The following METTL13 variants were observed in gnomAD, a reference collection of about 807,000 sequenced individuals.
METTL13 encodes the protein methyltransferase 13, eEF1A N-terminus and K55.
A neutral mutation model predicts 67.4 loss-of-function variants in METTL13; 52 were observed. The observed-to-expected ratio is 0.77, with a 90% confidence interval of 0.62 to 0.97. The LOEUF (loss-of-function observed/expected upper bound fraction) is 0.97. Ranked by LOEUF, METTL13 falls within the 50% of genes least tolerant of loss-of-function variation. The pLI is 0.00. For synonymous variants in METTL13, 354 were observed against 353.6 expected (o/e 1.00, Z -0.01); for missense variants, 825 against 889.6 (o/e 0.93, Z 0.92).
chr1:171,782,148 G>A, intron 1 of METTL13, 28 bp downstream of exon 1: 1 of 1,596,778 alleles, frequency 6.3e-7, no homozygotes, highest in Non-Finnish European at 8.6e-7. Context: ...GTAGCCCTTC[G>A]TACGTGCTCC....
chr1:171,787,930 G>A lies in METTL13; in HGVS notation c.1309G>A (p.Ala437Thr). The change falls in exon 4 of 8, where the codon GCC (alanine) becomes ACC (threonine). Residue 437 changes from alanine (A) to threonine (T), a missense_variant and splice_region_variant. Ala to Thr is a moderately conservative substitution (Grantham distance 58). Coordinates refer to ENST00000361735, the MANE Select transcript of METTL13 (RefSeq NM_015935.5). ...GTTGCTGAAGGATGTGTCTCACAAAGGTGAGGTGTCATAGGCACAGTGGTG... is the reference window on the plus strand; with the variant it reads ...GTTGCTGAAGGATGTGTCTCACAAAAGTGAGGTGTCATAGGCACAGTGGTG... ...ARLLKDVSHK[A>T]QKKRKKDRKK... 2 of 1,613,144 alleles carry A rather than the reference G, an allele frequency of 1.2e-6. No homozygotes were observed. Among genetic ancestry groups the A allele is most frequent in the Non-Finnish European group, 1.7e-6 (2 of 1,179,870 alleles).
Position 171,784,331 on chromosome 1 carries a change from C to A in METTL13, c.745C>A (p.Arg249=). The A allele has an allele frequency of 6.3e-7, 1 of 1,593,762 alleles. No homozygotes were observed. The highest frequency in any genetic ancestry group is 8.6e-7 in the Non-Finnish European group (1 of 1,168,980). ...AERLAEAVQE[R]QQYAWLCSQL... ...GCGGCTGGCCGAGGCGGTGCAGGAGCGACAGCAGTATGCCTGGCTGTGCAG... is the reference window on the plus strand; with the variant it reads ...GCGGCTGGCCGAGGCGGTGCAGGAGAGACAGCAGTATGCCTGGCTGTGCAG... The change falls in exon 2 of 8, where the codon CGA becomes AGA. Residue 249 remains arginine (R), a synonymous_variant. Coordinates refer to ENST00000361735, the MANE Select transcript of METTL13 (RefSeq NM_015935.5).
At chr1:171,782,895 G>A (rs1656874108) in intron 1 of METTL13, among the ~76,000 whole-genome samples, 1 of 152,206 alleles carries the variant, frequency 6.6e-6, no homozygotes, top group African/African-American at 2.4e-5. Context: ...TGGAGGTAGG[G>A]AAGGAGGAAG....
Position 171,784,036 on chromosome 1 carries a change from G to A in METTL13, c.450G>A (p.Leu150=), listed in dbSNP as rs759060773. Residue 150 remains leucine, a synonymous_variant, in exon 2 of 8, where the codon CTG becomes CTA. Coordinates refer to ENST00000361735, the MANE Select transcript of METTL13 (RefSeq NM_015935.5). ...TGCTGGCTGAGGTTGGCCGTGTCCT[G>A]CAGGTGGGCGGTCGCTATCTCTGCA... ...DRMLAEVGRV[L]QVGGRYLCIS... is the part of the protein sequence containing the mutation. The A allele has an allele frequency of 1.9e-6, 3 of 1,614,238 alleles. No individual in the cohort carries two copies. The highest frequency in any genetic ancestry group is 2.5e-6 in the Non-Finnish European group (3 of 1,180,044).
chr1:171,795,220 T>C (rs1571172704), intron 7 of METTL13, among the ~76,000 whole-genome samples: 1 of 152,246 alleles, frequency 6.6e-6, no homozygotes, highest in Non-Finnish European at 1.5e-5. Context: ...TTTTTATTGC[T>C]GTGTTATATC....
chr1:171,788,019 C>A, intron 4 of METTL13, 89 bp downstream of exon 4: 1 of 1,302,526 alleles, frequency 7.7e-7, no homozygotes, highest in Non-Finnish European at 1.1e-6. Context: ...TAGGATGGAC[C>A]TGGGTGTCTG....
chr1:171,789,025 G>T (rs1051715672), intron 4 of METTL13, among the ~76,000 whole-genome samples: 1 of 152,184 alleles, frequency 6.6e-6, no homozygotes, highest in Non-Finnish European at 1.5e-5. Flanking sequence ...CACTGTGGCT[G>T]CAGGTTGGTC....
chr1:171,791,645 C>T (rs1164272613), intron 5 of METTL13, among the ~76,000 whole-genome samples: 4 of 152,060 alleles, frequency 2.6e-5, no homozygotes, highest in Non-Finnish European at 5.9e-5. Flanking sequence ...TTTCTACTTT[C>T]TATAGACAGG....
rs777502264 is a variant in METTL13 at position 171,792,066 on chromosome 1, CCT to C, written c.1527_1528del (p.Phe510CysfsTer11). On this transcript the variant is annotated frameshift_variant, in exon 6 of 8. Transcript: ENST00000361735. LOFTEE classifies it high-confidence loss of function. ...TAGGCCTGGGCGGGGGCAGCCTCCC[CCT>C]CTTTGTCCACGATCATTTTCCAAAG... ...VVGLGGGSLP[L>X]FVHDHFPKSC... 14 of 1,613,380 alleles carry C rather than the reference CCT, an allele frequency of 8.7e-6. No individual in the cohort carries two copies. Among genetic ancestry groups the C allele is most frequent in the African/African-American group, 1.3e-5 (1 of 75,038 alleles).
chr1:171,792,122 C>T lies in METTL13; in HGVS notation c.1580C>T (p.Pro527Leu), dbSNP rs773634739. Residue 527 changes from proline (P) to leucine (L), a missense_variant, in exon 6 of 8, where the codon CCC becomes CTC. By Grantham distance (98) the Pro-to-Leu change is moderately conservative. Transcript: ENST00000361735. ...TGCATTGATGCTGTGGAGATCGATCCCTCCATGTTGGAAGTGGCCACCCAG... is the reference window on the plus strand; with the variant it reads ...TGCATTGATGCTGTGGAGATCGATCTCTCCATGTTGGAAGTGGCCACCCAG... ...KSCIDAVEID[P>L]SMLEVATQWF... 5 of 1,614,046 alleles carry T rather than the reference C, an allele frequency of 3.1e-6. No individual in the cohort carries two copies. Among genetic ancestry groups the T allele is most frequent in the Non-Finnish European group, 4.2e-6 (5 of 1,180,016 alleles).
chr1:171,790,683 C>A, intron 5 of METTL13, 67 bp downstream of exon 5: 1 of 1,361,114 alleles, frequency 7.3e-7, no homozygotes. Flanking sequence ...CAATTGGTGT[C>A]ACTTGCATTG....
In METTL13 at chr1:171,796,672, G is replaced by A; in HGVS notation, c.2016G>A (p.Leu672=). ...TPELLETAQA[L]ERTLRKPGRG... Reference sequence around the variant, plus strand: ...AGCTCCTAGAAACAGCCCAGGCTTTGGAGCGGACCCTGAGGAAGCCTGGGA... The same window carrying A: ...AGCTCCTAGAAACAGCCCAGGCTTTAGAGCGGACCCTGAGGAAGCCTGGGA... Residue 672 remains leucine, a synonymous_variant, in exon 8 of 8, where the codon TTG becomes TTA. Transcript: ENST00000361735. 6.2e-7 allele frequency: 1 copy of A among 1,614,190 alleles called. No homozygotes were observed. The highest frequency in any genetic ancestry group is 1.1e-5 in the South Asian group (1 of 91,086).
intron 5 of METTL13, 114 bp from the exon 6 acceptor site, chr1:171,791,903 T>C: frequency 9.7e-7 from 1 of 1,025,654 alleles, no homozygotes; most frequent in Non-Finnish European, 1.5e-6. Flanking sequence ...CCTCTAAATC[T>C]TGTATCCCCT....
chr1:171,790,309 A>G (rs1040565162), intron 4 of METTL13, 143 bp from the exon 5 acceptor site: 11 of 723,166 alleles, frequency 1.5e-5, no homozygotes, highest in Non-Finnish European at 2.1e-6. Context: ...GTTTCAAGCT[A>G]TCAACATGAT....
chr1:171,794,181 G>T (rs781312442), intron 6 of METTL13, among the ~76,000 whole-genome samples: 2 of 152,142 alleles, frequency 1.3e-5, no homozygotes, highest in Non-Finnish European at 2.9e-5. Context: ...TGTGGAAGAA[G>T]GTTCCATCTT....
At chr1:171,782,174 G>A in intron 1 of METTL13, 54 bp downstream of exon 1, 1 of 1,505,140 alleles carries the variant, frequency 6.6e-7, no homozygotes. Context: ...GTGGGAACTG[G>A]TAACAGGAAT....
chr1:171,790,383 C>G, intron 4 of METTL13, 69 bp from the exon 5 acceptor site: 2 of 1,406,154 alleles, frequency 1.4e-6, no homozygotes, highest in Non-Finnish European at 1.9e-6. Flanking sequence ...CTGGAGCACA[C>G]TGCTGCCAGT....
rs1394580427 is a variant in METTL13, at chr1:171,796,591, A to G, written c.1935A>G (p.Glu645=). Reference sequence around the variant, plus strand: ...TATATGTCCGGCGAATTGAGGGTGAAGTGAATGAGATCCTGTTCTGTCAGC... The same window carrying G: ...TATATGTCCGGCGAATTGAGGGTGAGGTGAATGAGATCCTGTTCTGTCAGC... ...PLLYVRRIEG[E]VNEILFCQLH... Residue 645 remains glutamate (E), a synonymous_variant, in exon 8 of 8, where the codon GAA becomes GAG. Coordinates refer to ENST00000361735, the MANE Select transcript of METTL13 (RefSeq NM_015935.5). 1.9e-6 allele frequency: 3 copies of G among 1,614,076 alleles called. No individual in the cohort carries two copies. In the Admixed American group the frequency reaches 5.0e-5, roughly 27 times the overall value.
intron 3 of METTL13, among the ~76,000 whole-genome samples, chr1:171,787,024 A>G (rs1459619289): frequency 6.6e-6 from 1 of 151,980 alleles, no homozygotes; most frequent in African/African-American, 2.4e-5. Flanking sequence ...GTGTTTACAG[A>G]TGAATGTAAG....
Sources: allele counts gnomAD v4.1 joint callset (sites outside exome capture counted in the v4.1 genomes callset), GRCh38; gene constraint gnomAD v4.1.1; transcripts MANE v1.5; gene names NCBI Gene and HGNC (gene_info 2026-07-23, HGNC 2026-07-21).